The following FBXL20 variants were observed in gnomAD, a reference collection of about 807,000 sequenced individuals.
FBXL20 encodes the protein F-box/LRR-repeat protein 20.
A neutral mutation model predicts 64.0 loss-of-function variants in FBXL20; 11 were observed. The observed-to-expected ratio is 0.17, with a 90% CI of 0.11 to 0.28. The LOEUF (loss-of-function observed/expected upper bound fraction) is 0.28, where lower values mean the gene tolerates loss of function less well. Among genes scored for constraint, FBXL20 ranks in the 10% least tolerant of loss-of-function variants. The pLI is 1.00. For missense variants in FBXL20, 303 were observed against 526.2 expected, an observed-to-expected ratio of 0.58 and a Z score of 4.15; for synonymous variants, 184 against 189.0, an observed-to-expected ratio of 0.97 and a Z score of 0.22.
At chr17:39,299,612 T>G (rs939807236) in intron 4 of FBXL20, among the ~76,000 whole-genome samples, 18 of 151,112 alleles carry the variant, frequency 1.2e-4, no homozygotes, top group Admixed American at 6.6e-4. Context: ...AAACCCCATC[T>G]CTACTAAAAA....
intron 1 of FBXL20, among the ~76,000 whole-genome samples, chr17:39,391,251 CAAAAAAAAA>C (rs746792198): frequency 3.3e-5 from 2 of 60,060 alleles, no homozygotes; most frequent in Non-Finnish European, 7.0e-5. Flanking sequence ...CCACCTGTCT[CAAAAAAAAA>C]AAAAAAAAAT....
intron 2 of FBXL20, among the ~76,000 whole-genome samples, chr17:39,337,379 C>T (rs917039203): frequency 1.3e-5 from 2 of 152,110 alleles, no homozygotes; most frequent in Non-Finnish European, 2.9e-5. Flanking sequence ...CCCAAAGTGC[C>T]GAGATTGCAG....
intron 1 of FBXL20, among the ~76,000 whole-genome samples, chr17:39,400,482 G>C (rs1377455973): frequency 6.6e-6 from 1 of 152,166 alleles, no homozygotes; most frequent in Admixed American, 6.5e-5. Flanking sequence ...AAAAGACCAG[G>C]TGACATTTAC....
intron 1 of FBXL20, among the ~76,000 whole-genome samples, chr17:39,390,403 A>T (rs531415900): frequency 6.6e-6 from 1 of 152,194 alleles, no homozygotes; most frequent in East Asian, 1.9e-4. Flanking sequence ...TCTACTAAAA[A>T]TACAAAAATT....
chr17:39,319,415 G>T (rs1030760340), intron 2 of FBXL20, among the ~76,000 whole-genome samples: 2 of 152,096 alleles, frequency 1.3e-5, no homozygotes, highest in Non-Finnish European at 2.9e-5. Flanking sequence ...GGCTGGGCAC[G>T]GTGGCTCACG....
At chr17:39,314,743 T>C (rs1430417206) in intron 2 of FBXL20, among the ~76,000 whole-genome samples, 4 of 151,808 alleles carry the variant, frequency 2.6e-5, no homozygotes, top group Non-Finnish European at 4.4e-5. Context: ...TACACTGTAG[T>C]GTACATTCTC....
chr17:39,309,088 G>T (rs1321791853), intron 2 of FBXL20, among the ~76,000 whole-genome samples: 2 of 152,018 alleles, frequency 1.3e-5, no homozygotes, highest in Admixed American at 6.6e-5. Context: ...TTTAAAAAGG[G>T]TCTATATGGC....
At chr17:39,300,116 A>C (rs1244116341) in intron 4 of FBXL20, among the ~76,000 whole-genome samples, 1 of 152,176 alleles carries the variant, frequency 6.6e-6, no homozygotes, top group Non-Finnish European at 1.5e-5. Flanking sequence ...CAAAAACAAA[A>C]GCTTGCTGAA....
In FBXL20 at chr17:39,260,325, G is replaced by GTT. The variant is rs754709696; in HGVS notation, c.*1133_*1134dup. ...TGGGTGTTGGGGACTTTCAGGCTCT[G>GTT]TTTTGTGATTTATCATTTTCACTCT... On this transcript the variant is annotated 3_prime_UTR_variant, in exon 15 of 15. Transcript: ENST00000264658. 4 of 152,104 alleles carry GTT rather than the reference G, an allele frequency of 2.6e-5. No individual in the cohort carries two copies. The highest frequency in any genetic ancestry group is 4.4e-5 in the Non-Finnish European group (3 of 68,016). 9.4% of individuals were successfully genotyped at this position (152,104 alleles called of 1,614,324 possible).
chr17:39,330,032 C>T (rs1373227563), intron 2 of FBXL20, among the ~76,000 whole-genome samples: 2 of 152,046 alleles, frequency 1.3e-5, no homozygotes, highest in Non-Finnish European at 2.9e-5. Flanking sequence ...GTGGCTCATA[C>T]CTGTAATCCC....
chr17:39,401,309 T>C (rs2144697306), intron 1 of FBXL20, 52 bp downstream of exon 1: 2 of 1,611,714 alleles, frequency 1.2e-6, no homozygotes, highest in East Asian at 2.2e-5. Context: ...GTTTTGGGAT[T>C]AGAGCGCGCG....
intron 1 of FBXL20, among the ~76,000 whole-genome samples, chr17:39,357,198 GGGA>G (rs1208102806): frequency 6.6e-6 from 1 of 151,146 alleles, no homozygotes; most frequent in Non-Finnish European, 1.5e-5. Flanking sequence ...ACTTGAACCC[GGGA>G]GGAGGAGGTT....
At chr17:39,359,190 C>T (rs766557169) in intron 1 of FBXL20, among the ~76,000 whole-genome samples, 3 of 151,686 alleles carry the variant, frequency 2.0e-5, no homozygotes, top group African/African-American at 2.4e-5. Flanking sequence ...AAAAAATTAG[C>T]GTGGCGGCAC....
At chr17:39,334,021 G>A (rs11810343) in intron 2 of FBXL20, among the ~76,000 whole-genome samples, 68 of 152,320 alleles carry the variant, frequency 4.5e-4, no homozygotes, top group African/African-American at 1.3e-3. Context: ...CAGTTTGGTC[G>A]AACAGAAAAG....
chr17:39,335,566 G>C (rs915175208), intron 2 of FBXL20, among the ~76,000 whole-genome samples: 2 of 120,298 alleles, frequency 1.7e-5, no homozygotes, highest in African/African-American at 6.7e-5. Context: ...CTGGGCAACA[G>C]AGTGAGACTC....
intron 1 of FBXL20, among the ~76,000 whole-genome samples, chr17:39,379,699 G>A (rs1205976344): frequency 2.0e-5 from 3 of 152,124 alleles, no homozygotes; most frequent in African/African-American, 7.2e-5. Flanking sequence ...AGGATCCCTT[G>A]AGCCTCAGGA....
At chr17:39,314,324 G>C (rs1330589677) in intron 2 of FBXL20, among the ~76,000 whole-genome samples, 1 of 151,962 alleles carries the variant, frequency 6.6e-6, no homozygotes, top group African/African-American at 2.4e-5. Context: ...TGGACAATTG[G>C]GTTATTTTAA....
chr17:39,397,341 T>C (rs1431784813), intron 1 of FBXL20, among the ~76,000 whole-genome samples: 5 of 152,196 alleles, frequency 3.3e-5, no homozygotes, highest in Admixed American at 3.3e-4. Context: ...TGAACATGGA[T>C]TCAAAATACC....
intron 3 of FBXL20, among the ~76,000 whole-genome samples, chr17:39,301,786 A>C (rs2047138242): frequency 6.6e-6 from 1 of 152,084 alleles, no homozygotes. Flanking sequence ...AGTCCCAGCT[A>C]TTCGGGAGGC....
Sources: allele counts gnomAD v4.1 joint callset (sites outside exome capture counted in the v4.1 genomes callset), GRCh38; gene constraint gnomAD v4.1.1; transcripts MANE v1.5; gene names NCBI Gene and HGNC (gene_info 2026-07-23, HGNC 2026-07-21).